The following NOMO3 variants were observed in gnomAD, a reference collection of about 807,000 sequenced individuals.
The protein encoded by NOMO3 is BOS complex subunit NOMO3.
Under a neutral mutation model 69.9 loss-of-function variants are expected in NOMO3, and 15 were observed. The observed-to-expected ratio is 0.21, with a 90% confidence interval of 0.14 to 0.33. NOMO3 has a LOEUF of 0.33. NOMO3 is among the 10% of genes least tolerant of loss of function. NOMO3 has a pLI of 1.00. For missense variants in NOMO3, 218 were observed against 761.0 expected (o/e 0.29, Z 8.39); for synonymous variants, 89 against 301.9 (o/e 0.29, Z 7.31).
At chr16:16,244,324 TA>T (rs756096974) in intron 4 of NOMO3, among the ~76,000 whole-genome samples, 4 of 134,610 alleles carry the variant, frequency 3.0e-5, no homozygotes, top group Admixed American at 2.2e-4. Flanking sequence ...TTTATTTATT[TA>T]TTTTTTTGAG....
rs1307609922 is a variant in NOMO3 at position 16,245,557 on chromosome 16, C to A, written c.509+383C>A. On this transcript the variant is annotated intron_variant, in intron 5 of 30. Transcript: ENST00000399336. ...TTTAAAAAATTATATCAAGTAGAGT[C>A]CCATGGGGGAAGAAAATTAGCTGGG... Among the ~76,000 whole-genome samples, 11 of 135,236 alleles carry A rather than the reference C, an allele frequency of 8.1e-5. 2 individuals carry two copies. Among genetic ancestry groups the A allele is most frequent in the African/African-American group, 3.5e-4 (11 of 31,084 alleles). 88.7% of individuals were successfully genotyped at this position (135,236 alleles called of 152,430 possible).
rs1457724324 is a variant in NOMO3, at chr16:16,255,662, G to T, written c.964-58G>T. 8.1e-5 allele frequency: 127 copies of T among 1,567,462 alleles called. 3 individuals are homozygous for T. The highest frequency in any genetic ancestry group is 7.5e-5 in the Non-Finnish European group (87 of 1,159,714). On this transcript the variant is annotated intron_variant, in intron 9 of 30. Coordinates refer to ENST00000399336, the MANE Select transcript of NOMO3 (RefSeq NM_001004067.4). ...GTGGTGGCCGGCGCAGCAGAAGGAG[G>T]CTTTGTGGCTCTGGCACAGGAGCAC...
At chr16:16,258,091 G>A (rs1420854250) in intron 11 of NOMO3, among the ~76,000 whole-genome samples, 1 of 142,322 alleles carries the variant, frequency 7.0e-6, no homozygotes, top group South Asian at 2.2e-4. Flanking sequence ...AGAGGTGGGC[G>A]GATCGCTTGA....
At position 16,232,628 on chromosome 16, in the gene NOMO3, C is replaced by T. The variant is rs1349434698; in HGVS notation, c.-39C>T. The T allele has an allele frequency of 1.0e-4, 44 of 433,560 alleles. No individual in the cohort carries two copies. The highest frequency in any genetic ancestry group is 7.2e-4 in the African/African-American group (34 of 46,944). 26.9% of individuals were successfully genotyped at this position (433,560 alleles called of 1,614,324 possible). ...GGCGTGCAGTGTGAGGGGCGGGACC[C>T]GGCTGCCGGCGGTGGGTCTAGCTGG... On this transcript the variant is annotated 5_prime_UTR_variant, in exon 1 of 31. Coordinates refer to ENST00000399336, the MANE Select transcript of NOMO3 (RefSeq NM_001004067.4).
At chr16:16,252,823 A>T (rs1480500422) in intron 9 of NOMO3, among the ~76,000 whole-genome samples, 1 of 91,662 alleles carries the variant, frequency 1.1e-5, no homozygotes, top group African/African-American at 5.9e-5. Context: ...GTCCCTGTGG[A>T]CCTCATTTTT....
intron 1 of NOMO3, among the ~76,000 whole-genome samples, chr16:16,235,685 T>G (rs2141244992): frequency 6.9e-6 from 1 of 144,976 alleles, no homozygotes; most frequent in South Asian, 2.2e-4. Flanking sequence ...CCTAGCTAAT[T>G]TTTTTTCTAG....
chr16:16,265,217 G>T lies in NOMO3; in HGVS notation c.1806+38G>T, dbSNP rs142042413. The T allele has an allele frequency of 2.0e-4, 315 of 1,588,694 alleles. 62 individuals carry two copies. In the East Asian group the frequency reaches 7.5e-3, roughly 38 times the overall value. ...TATGGAGTCTCTTATTTGGAAAAGC[G>T]CTTGCCTTGTGGATGTCAAGAAAGA... is the stretch of plus-strand genomic sequence containing the variant. On this transcript the variant is annotated intron_variant, in intron 15 of 30. Coordinates refer to ENST00000399336, the MANE Select transcript of NOMO3 (RefSeq NM_001004067.4).
At chr16:16,237,500 C>T (rs2049336236) in intron 2 of NOMO3, among the ~76,000 whole-genome samples, 1 of 144,224 alleles carries the variant, frequency 6.9e-6, no homozygotes, top group Non-Finnish European at 1.5e-5. Context: ...ATTTTACCTC[C>T]CTCTGTAGTG....
chr16:16,265,666 A>ATTT (rs1949437355), intron 15 of NOMO3, among the ~76,000 whole-genome samples: 9 of 32,626 alleles, frequency 2.8e-4, no homozygotes, highest in Admixed American at 4.4e-4. Context: ...ATATATATAT[A>ATTT]TATATTTTTT....
intron 6 of NOMO3, among the ~76,000 whole-genome samples, chr16:16,249,778 G>A (rs141852561): frequency 0.03 from 4,312 of 143,484 alleles, 362 homozygotes; most frequent in African/African-American, 0.035. Flanking sequence ...GTTAGTGACC[G>A]GAAGCAAGTG....
intron 15 of NOMO3, among the ~76,000 whole-genome samples, chr16:16,265,670 ATTTTT>A (rs59243746): frequency 8.4e-3 from 140 of 16,650 alleles, no homozygotes; most frequent in Admixed American, 9.4e-3. Flanking sequence ...ATATATATAT[ATTTTT>A]TTTTTTTTTT....
chr16:16,259,577 C>T (rs1345114876), intron 11 of NOMO3, among the ~76,000 whole-genome samples: 3 of 109,850 alleles, frequency 2.7e-5, no homozygotes, highest in South Asian at 3.4e-4. Flanking sequence ...GTGACCCACC[C>T]GCCTCGGCTT....
rs1210348249 is a variant in NOMO3 at position 16,264,833 on chromosome 16, C to G, written c.1670-210C>G. ...AGAGTGCTGGGATTATAGGCATGAG[C>G]CACCACGCTCGACTCCAGGTTTTCT... On this transcript the variant is annotated intron_variant, in intron 14 of 30. Transcript: ENST00000399336. 3.7e-5 allele frequency among the ~76,000 whole-genome samples: 5 copies of G among 136,010 alleles called. 1 individual carries two copies. In the East Asian group the frequency reaches 1.1e-3, roughly 31 times the overall value. The allele number at this position is 136,010 out of a possible 152,430, so 89.2% of individuals were successfully genotyped here.
chr16:16,267,538 G>C (rs555101988), intron 16 of NOMO3, among the ~76,000 whole-genome samples: 2 of 142,820 alleles, frequency 1.4e-5, no homozygotes, highest in Admixed American at 6.8e-5. Context: ...GGGTTCAGGC[G>C]ATTCCCCTGC....
At position 16,232,700 on chromosome 16, in the gene NOMO3, C is replaced by CCCGCGGTGGTCACCG. The variant is rs1434095755; in HGVS notation, c.45_59dup (p.Thr16_Val20dup). 613 of 818,374 alleles carry CCCGCGGTGGTCACCG rather than the reference C, an allele frequency of 7.5e-4. 1 individual carries two copies. The highest frequency in any genetic ancestry group is 8.4e-4 in the Middle Eastern group (2 of 2,380). 50.7% of individuals were successfully genotyped at this position (818,374 alleles called of 1,614,324 possible). ...GGGCCAGGGCGCGGGGCCGCTGGGG[C>CCCGCGGTGGTCACCG]CCGCGGTGGTCACCGCCGCGGTGGT... On this transcript the variant is annotated inframe_insertion, in exon 1 of 31. Transcript: ENST00000399336.
At chr16:16,248,383 G>A in intron 6 of NOMO3, among the ~76,000 whole-genome samples, 1 of 130,470 alleles carries the variant, frequency 7.7e-6, no homozygotes. Context: ...AGTGCACTCG[G>A]CCAGATACAG....
chr16:16,252,337 G>GA, intron 8 of NOMO3, 96 bp from the exon 9 acceptor site: 2 of 1,171,684 alleles, frequency 1.7e-6, no homozygotes, highest in Non-Finnish European at 2.4e-6. Flanking sequence ...TGGTCTGTCT[G>GA]AACCCCTTGT....
At chr16:16,234,931 A>C (rs557840710) in intron 1 of NOMO3, among the ~76,000 whole-genome samples, 87 of 152,196 alleles carry the variant, frequency 5.7e-4, no homozygotes, top group Admixed American at 1.4e-3. Flanking sequence ...AGGCTGCCAC[A>C]CTTGGCTTGG....
intron 16 of NOMO3, among the ~76,000 whole-genome samples, chr16:16,267,514 A>G (rs1468614996): frequency 7.0e-6 from 1 of 141,872 alleles, no homozygotes; most frequent in African/African-American, 2.9e-5. Context: ...GGCTCACTGC[A>G]GCCTCCGCCT....
Sources: gnomAD v4.1 joint callset for allele counts (sites outside exome capture counted in the v4.1 genomes callset) on GRCh38, gnomAD v4.1.1 for gene constraint, MANE v1.5 for transcripts, NCBI Gene and HGNC (gene_info 2026-07-23, HGNC 2026-07-21) for gene names.